KCNMB4: variants seen among roughly 807,000 people sequenced by gnomAD.
KCNMB4 encodes the protein calcium-activated potassium channel subunit beta-4.
KCNMB4 carries 3 observed loss-of-function variants against 20.7 expected under a neutral mutation model. The ratio of observed to expected loss-of-function variants is 0.14; its 90% confidence interval spans 0.07 to 0.37. The LOEUF (loss-of-function observed/expected upper bound fraction) is 0.37. Among genes scored for constraint, KCNMB4 ranks in the 10% least tolerant of loss-of-function variants. The probability of loss-of-function intolerance (pLI) is 1.00; values close to 1 mark genes in which losing one functional copy is unlikely to be tolerated. For missense variants in KCNMB4, 168 were observed against 265.9 expected (o/e 0.63, Z 2.56); for synonymous variants, 110 against 113.4 (o/e 0.97, Z 0.19).
At chr12:70,408,909 C>G (rs1367603060) in intron 2 of KCNMB4, among the ~76,000 whole-genome samples, 1 of 152,124 alleles carries the variant, frequency 6.6e-6, no homozygotes, top group African/African-American at 2.4e-5. Flanking sequence ...TTTGAAACCC[C>G]CTTTTCATTG....
chr12:70,399,052 A>G (rs1488834275), intron 1 of KCNMB4, among the ~76,000 whole-genome samples: 1 of 152,262 alleles, frequency 6.6e-6, no homozygotes, highest in African/African-American at 2.4e-5. Flanking sequence ...AGCACGTGGC[A>G]GATTTGGAGA....
At chr12:70,393,520 C>A (rs1868319772) in intron 1 of KCNMB4, among the ~76,000 whole-genome samples, 2 of 152,242 alleles carry the variant, frequency 1.3e-5, no homozygotes, top group Non-Finnish European at 2.9e-5. Flanking sequence ...TTTTCTAACT[C>A]TAAAACTAAA....
At chr12:70,381,870 T>C (rs1883792792) in intron 1 of KCNMB4, among the ~76,000 whole-genome samples, 1 of 152,172 alleles carries the variant, frequency 6.6e-6, no homozygotes, top group Non-Finnish European at 1.5e-5. Context: ...GTAAATTGGA[T>C]GGTATGTGAA....
At chr12:70,403,691 C>T (rs567362077) in intron 2 of KCNMB4, among the ~76,000 whole-genome samples, 3 of 152,240 alleles carry the variant, frequency 2.0e-5, no homozygotes, top group South Asian at 2.1e-4. Context: ...TGGTTGAAAC[C>T]GGGCATTAGC....
At chr12:70,412,374 G>T (rs117028018) in intron 2 of KCNMB4, among the ~76,000 whole-genome samples, 1 of 152,206 alleles carries the variant, frequency 6.6e-6, no homozygotes, top group Non-Finnish European at 1.5e-5. Context: ...TGGCACTCTT[G>T]TGGAATAGCT....
intron 1 of KCNMB4, among the ~76,000 whole-genome samples, chr12:70,396,495 G>A (rs1195793453): frequency 6.6e-6 from 1 of 152,056 alleles, no homozygotes; most frequent in Non-Finnish European, 1.5e-5. Context: ...CAGTAGAGAT[G>A]GGGTTTTACC....
intron 2 of KCNMB4, among the ~76,000 whole-genome samples, chr12:70,417,053 A>G (rs1426854141): frequency 1.3e-5 from 2 of 152,180 alleles, no homozygotes; most frequent in Non-Finnish European, 2.9e-5. Context: ...AGAGCTGCCA[A>G]AATAATGGTA....
At chr12:70,423,507 G>A (rs1052628007) in intron 2 of KCNMB4, among the ~76,000 whole-genome samples, 2 of 150,930 alleles carry the variant, frequency 1.3e-5, no homozygotes, top group Non-Finnish European at 2.9e-5. Context: ...TCAGTCTGTC[G>A]CCCAGGCTGG....
At chr12:70,392,879 A>G (rs561491937) in intron 1 of KCNMB4, among the ~76,000 whole-genome samples, 17 of 152,294 alleles carry the variant, frequency 1.1e-4, no homozygotes, top group Non-Finnish European at 2.5e-4. Flanking sequence ...AATACCTACT[A>G]TAGATGAGGG....
At chr12:70,376,151 T>TA (rs72152386) in intron 1 of KCNMB4, among the ~76,000 whole-genome samples, 2,399 of 142,472 alleles carry the variant, frequency 0.017, 28 homozygotes, top group Non-Finnish European at 0.028. Flanking sequence ...CCTTTCATGA[T>TA]AAAAAAAAAA....
intron 1 of KCNMB4, among the ~76,000 whole-genome samples, chr12:70,394,512 A>G (rs1208421523): frequency 6.6e-6 from 1 of 152,176 alleles, no homozygotes; most frequent in Non-Finnish European, 1.5e-5. Context: ...ATTCTGGACT[A>G]CCTGCCCTAG....
At chr12:70,384,477 A>G (rs1000061193) in intron 1 of KCNMB4, among the ~76,000 whole-genome samples, 2 of 152,236 alleles carry the variant, frequency 1.3e-5, no homozygotes, top group African/African-American at 4.8e-5. Context: ...CACCACGATA[A>G]TGAATGACTG....
chr12:70,425,425 A>G (rs787933), intron 2 of KCNMB4, among the ~76,000 whole-genome samples: 135,907 of 152,228 alleles, frequency 0.89, 60,982 homozygotes, highest in East Asian at 1. Context: ...GCGACAGAGC[A>G]AGACCCCATC....
At chr12:70,367,771 TA>T (rs1351717013) in intron 1 of KCNMB4, among the ~76,000 whole-genome samples, 2 of 151,256 alleles carry the variant, frequency 1.3e-5, no homozygotes, top group Non-Finnish European at 2.9e-5. Context: ...TGGAGAACAG[TA>T]AAACTTGCTG....
chr12:70,407,460 CTTTTTTT>C (rs35371839), intron 2 of KCNMB4, among the ~76,000 whole-genome samples: 16 of 64,182 alleles, frequency 2.5e-4, no homozygotes, highest in African/African-American at 3.2e-4. Context: ...GTGCTGAATT[CTTTTTTT>C]TTTTTTTTTT....
chr12:70,376,505 C>A (rs1485545718), intron 1 of KCNMB4, among the ~76,000 whole-genome samples: 3 of 152,014 alleles, frequency 2.0e-5, no homozygotes, highest in African/African-American at 7.2e-5. Flanking sequence ...TTGCAGGATA[C>A]AATATCAATA....
intron 1 of KCNMB4, among the ~76,000 whole-genome samples, chr12:70,369,994 A>G (rs1312351986): frequency 6.6e-6 from 1 of 152,160 alleles, no homozygotes; most frequent in Non-Finnish European, 1.5e-5. Context: ...TGTATATGCT[A>G]GGAGCTTTGG....
At chr12:70,416,957 A>G (rs1868928380) in intron 2 of KCNMB4, among the ~76,000 whole-genome samples, 1 of 152,208 alleles carries the variant, frequency 6.6e-6, no homozygotes, top group Non-Finnish European at 1.5e-5. Context: ...GAATGATGAT[A>G]TTATAACAGA....
At chr12:70,421,470 G>GAAAAAAAAAA (rs61303899) in intron 2 of KCNMB4, among the ~76,000 whole-genome samples, 3 of 75,670 alleles carry the variant, frequency 4.0e-5, no homozygotes, top group African/African-American at 1.0e-4. Flanking sequence ...TCTCAAAAAA[G>GAAAAAAAAAA]AAAAAAAAAA....
Sources: allele counts gnomAD v4.1 joint callset (sites outside exome capture counted in the v4.1 genomes callset), GRCh38; gene constraint gnomAD v4.1.1; transcripts MANE v1.5; gene names NCBI Gene and HGNC (gene_info 2026-07-23, HGNC 2026-07-21).